SLC6A20: variants seen among roughly 807,000 people sequenced by gnomAD.
The protein encoded by SLC6A20 is sodium- and chloride-dependent transporter XTRP3.
In SLC6A20, 73 loss-of-function variants were observed where a neutral mutation model predicts 64.3. That is an observed-to-expected ratio of 1.14 (90% CI 0.94 to 1.38). SLC6A20 has a LOEUF of 1.38. SLC6A20 is among the 40% of genes most tolerant of loss of function. The probability of loss-of-function intolerance (pLI) is 0.00; values close to 1 mark genes in which losing one functional copy is unlikely to be tolerated. For missense variants in SLC6A20, 725 were observed against 772.8 expected, an observed-to-expected ratio of 0.94 and a Z score of 0.73; for synonymous variants, 347 against 329.6, an observed-to-expected ratio of 1.05 and a Z score of -0.57.
At position 45,758,692 on chromosome 3, in the gene SLC6A20, T is replaced by C; in HGVS notation, c.*286A>G. ...TATTTCAGTTTGCAATGTGCCCTAA[T>C]TCTAGGGCTTTCCTGGAATGAAGGA... On this transcript the variant is annotated 3_prime_UTR_variant, in exon 11 of 11. Transcript: ENST00000358525. The C allele has an allele frequency of 4.9e-6, 6 of 1,222,564 alleles. No individual in the cohort carries two copies. Among genetic ancestry groups the C allele is most frequent in the Non-Finnish European group, 5.1e-6 (5 of 978,190 alleles). 75.7% of individuals were successfully genotyped at this position (1,222,564 alleles called of 1,614,324 possible). A position where few individuals can be genotyped will look rare whatever the true frequency, so the allele number is the denominator to read the frequency against.
At chr3:45,778,401 T>C (rs1323081459) in intron 3 of SLC6A20, among the ~76,000 whole-genome samples, 2 of 152,228 alleles carry the variant, frequency 1.3e-5, no homozygotes, top group African/African-American at 4.8e-5. Flanking sequence ...CCTCTCATTA[T>C]TATGGGACCA....
At chr3:45,770,418 C>T in intron 6 of SLC6A20, 47 bp from the exon 7 acceptor site, 1 of 1,600,586 alleles carries the variant, frequency 6.2e-7, no homozygotes. Flanking sequence ...AGAAAGGCAG[C>T]TGTCACCAAA....
chr3:45,758,995 C>T lies in SLC6A20; in HGVS notation c.1762G>A (p.Ala588Thr), dbSNP rs775225439. ...CCCACATCTCAGGCCACGGGGTCTG[C>T]GTCTCCCCTCTTGAGGCGACGCTGA... Reference protein sequence around the residue: ...FVQRRLKRGDADPVA With the variant: ...FVQRRLKRGDTDPVA The change falls in exon 11 of 11, where the codon GCA becomes ACA. Residue 588 changes from alanine (A) to threonine (T), a missense_variant. Transcript: ENST00000358525. The T allele has an allele frequency of 1.7e-5, 27 of 1,609,410 alleles. No individual in the cohort carries two copies. Among genetic ancestry groups the T allele is most frequent in the East Asian group, 1.1e-4 (5 of 44,772 alleles).
intron 10 of SLC6A20, among the ~76,000 whole-genome samples, chr3:45,759,376 T>C (rs1017789799): frequency 6.6e-6 from 1 of 152,020 alleles, no homozygotes; most frequent in Admixed American, 6.5e-5. Context: ...TGTAGAGCTA[T>C]TGTTTGGAGC....
At chr3:45,760,409 TGCCCACCCCCCTACCCA>T (rs1484414894) in intron 9 of SLC6A20, among the ~76,000 whole-genome samples, 1 of 152,172 alleles carries the variant, frequency 6.6e-6, no homozygotes, top group African/African-American at 2.4e-5. Flanking sequence ...TGGGCGGCTT[TGCCCACCCCCCTACCCA>T]GCCCGCCCCT....
At chr3:45,793,119 A>T (rs2125659504) in intron 1 of SLC6A20, among the ~76,000 whole-genome samples, 1 of 152,292 alleles carries the variant, frequency 6.6e-6, no homozygotes, top group African/African-American at 2.4e-5. Flanking sequence ...CAGCTGAAAG[A>T]GCTGGCTTCC....
At chr3:45,774,476 C>T (rs1699931510) in intron 4 of SLC6A20, among the ~76,000 whole-genome samples, 1 of 152,208 alleles carries the variant, frequency 6.6e-6, no homozygotes, top group African/African-American at 2.4e-5. Context: ...AGGTTCTAAG[C>T]TCTCTCGGGG....
chr3:45,782,010 T>C lies in SLC6A20; in HGVS notation c.262+73A>G, dbSNP rs760582600. 4.1e-4 allele frequency: 596 copies of C among 1,469,796 alleles called. 1 individual carries two copies. The highest frequency in any genetic ancestry group is 4.8e-4 in the Non-Finnish European group (536 of 1,108,638). 91.0% of individuals were successfully genotyped at this position (1,469,796 alleles called of 1,614,324 possible). ...TCGCCCCTTGATCCAGCAGCTTTGC[T>C]GATGGGATCCCACCCACACCCCCAT... On this transcript the variant is annotated intron_variant, in intron 2 of 10. Coordinates refer to ENST00000358525, the MANE Select transcript of SLC6A20 (RefSeq NM_020208.4).
Position 45,762,899 on chromosome 3 carries a change from C to T in SLC6A20, c.1463+14G>A, listed in dbSNP as rs2191027. ...TGTTTTCCCTATGCAAATGAGGGTC[C>T]TGGGCCTCCTCACCTCCTCAGCCCG... On this transcript the variant is annotated intron_variant, in intron 9 of 10. Transcript: ENST00000358525. 429,718 of 1,613,344 alleles carry T rather than the reference C, an allele frequency of 0.27. 61,929 individuals are homozygous for T. Among genetic ancestry groups the T allele is most frequent in the Middle Eastern group, 0.3 (1,838 of 6,056 alleles).
rs3051640 is a variant in SLC6A20 at position 45,782,621 on chromosome 3, TTCCATCCA to T, written c.122-406_122-399del. Among the ~76,000 whole-genome samples, 99 of 144,664 alleles carry T rather than the reference TTCCATCCA, an allele frequency of 6.8e-4. No individual in the cohort carries two copies. The East Asian group carries it at 8.2e-3, about 12-fold the overall frequency. The allele number at this position is 144,664 out of a possible 152,430, so 94.9% of individuals were successfully genotyped here. A position where few individuals can be genotyped will look rare whatever the true frequency, so the allele number is the denominator to read the frequency against. On this transcript the variant is annotated intron_variant, in intron 1 of 10. Transcript: ENST00000358525. ...CATTCATCCATCCGTATTTCCATAT[TTCCATCCA>T]TCCATCCATCCATCCATCCATCCAT...
intron 1 of SLC6A20, among the ~76,000 whole-genome samples, chr3:45,793,273 C>G (rs1024920101): frequency 6.6e-6 from 1 of 152,214 alleles, no homozygotes; most frequent in African/African-American, 2.4e-5. Context: ...CATATTTCCA[C>G]CAGTCACACA....
At position 45,770,385 on chromosome 3, in the gene SLC6A20, C is replaced by CATCG. The variant is rs774799517; in HGVS notation, c.936-18_936-15dup. On this transcript the variant is annotated splice_polypyrimidine_tract_variant and intron_variant, in intron 6 of 10. Transcript: ENST00000358525. ...AGCAGACTCACCCTGCAGAGCAGACCATCGGATCGACCTTCACTGATCAGA... is the reference window on the plus strand; with the variant it reads ...AGCAGACTCACCCTGCAGAGCAGACCATCGATCGGATCGACCTTCACTGATCAGA... 3 of 1,613,122 alleles carry CATCG rather than the reference C, an allele frequency of 1.9e-6. No homozygotes were observed. In the South Asian group the frequency reaches 3.3e-5, roughly 18 times the overall value.
At chr3:45,770,119 A>T in intron 7 of SLC6A20, 90 bp downstream of exon 7, 1 of 1,538,468 alleles carries the variant, frequency 6.5e-7, no homozygotes, top group South Asian at 1.2e-5. Flanking sequence ...ATTTTTACAG[A>T]CCTCGCCTAT....
At chr3:45,791,851 C>G (rs1197573207) in intron 1 of SLC6A20, 1 of 152,268 alleles carries the variant, frequency 6.6e-6, no homozygotes, top group East Asian at 1.9e-4. Flanking sequence ...GATCCAATCA[C>G]CTCCCACCAG....
chr3:45,778,578 A>T (rs1198109256), intron 3 of SLC6A20, among the ~76,000 whole-genome samples: 3 of 152,188 alleles, frequency 2.0e-5, no homozygotes, highest in Non-Finnish European at 4.4e-5. Flanking sequence ...CTTTTGGGGG[A>T]TGAGCAAATT....
intron 1 of SLC6A20, 28 bp from the exon 2 acceptor site, chr3:45,782,251 G>GTCA: frequency 6.3e-7 from 1 of 1,595,742 alleles, no homozygotes; most frequent in East Asian, 2.3e-5. Flanking sequence ...TGAGAGCCAG[G>GTCA]CCACCACCAA....
At chr3:45,761,122 A>G (rs1699672948) in intron 9 of SLC6A20, among the ~76,000 whole-genome samples, 1 of 152,232 alleles carries the variant, frequency 6.6e-6, no homozygotes, top group African/African-American at 2.4e-5. Context: ...TCTAGGCTGC[A>G]GGCCATGAAG....
chr3:45,779,794 T>C (rs1348383253), intron 3 of SLC6A20, among the ~76,000 whole-genome samples: 1 of 152,244 alleles, frequency 6.6e-6, no homozygotes, highest in African/African-American at 2.4e-5. Context: ...ACCGGTGGAC[T>C]CTTGCTTACA....
In SLC6A20 at chr3:45,759,974, G is replaced by T; in HGVS notation, c.1512C>A (p.Tyr504Ter). 5 of 1,614,102 alleles carry T rather than the reference G, an allele frequency of 3.1e-6. No individual in the cohort carries two copies. The highest frequency in any genetic ancestry group is 4.2e-6 in the Non-Finnish European group (5 of 1,180,014). ...KAMTGRAVSW[Y>*]WKVMWAGVSP... The stretch of plus-strand genomic sequence containing the variant: ...TTACGCCAGCCCACATCACCTTCCA[G>T]TACCAGCTCACAGCTCGGCCGGTCA... The change falls in exon 10 of 11, where the codon TAC becomes TAA. Residue 504 changes from tyrosine (Y) to a stop codon, truncating the protein, a stop_gained. Transcript: ENST00000358525. LOFTEE classifies it high-confidence loss of function.
Sources: gnomAD v4.1 joint callset for allele counts (sites outside exome capture counted in the v4.1 genomes callset) on GRCh38, gnomAD v4.1.1 for gene constraint, MANE v1.5 for transcripts, NCBI Gene and HGNC (gene_info 2026-07-23, HGNC 2026-07-21) for gene names.